Variants in CD109 observed in about 807,000 individuals in gnomAD.
CD109 encodes CD109 antigen.
In CD109, 149 loss-of-function variants were observed where a neutral mutation model predicts 165.8. That is an observed-to-expected ratio of 0.90 (90% CI 0.79 to 1.03). CD109 has a LOEUF of 1.03. Among genes scored for constraint, CD109 ranks in the 50% least tolerant of loss-of-function variants. CD109 has a pLI of 0.00. For missense variants in CD109, 1,712 were observed against 1,677.8 expected, an observed-to-expected ratio of 1.02 and a Z score of -0.36; for synonymous variants, 585 against 592.1, an observed-to-expected ratio of 0.99 and a Z score of 0.18.
chr6:73,691,246 C>G (rs1437646936), upstream of CD109, among the ~76,000 whole-genome samples: 1 of 152,234 alleles, frequency 6.6e-6, no homozygotes, highest in East Asian at 1.9e-4. Flanking sequence ...CCTGGTCTCA[C>G]CCCTTCCAAT....
intron 2 of CD109, among the ~76,000 whole-genome samples, chr6:73,713,517 G>A (rs1771610406): frequency 6.6e-6 from 1 of 152,026 alleles, no homozygotes; most frequent in Non-Finnish European, 1.5e-5. Flanking sequence ...CCCTCCCAAA[G>A]TGCTGGTATT....
intron 5 of CD109, among the ~76,000 whole-genome samples, chr6:73,739,415 C>T (rs576607559): frequency 6.6e-6 from 1 of 152,084 alleles, no homozygotes; most frequent in African/African-American, 2.4e-5. Flanking sequence ...TATTAAACCC[C>T]TTTTCTTTTA....
Position 73,781,262 on chromosome 6 carries a change from T to C in CD109, c.1906T>C (p.Cys636Arg), listed in dbSNP as rs927742628. 2 of 1,611,470 alleles carry C rather than the reference T, an allele frequency of 1.2e-6. No homozygotes were observed. Among genetic ancestry groups the C allele is most frequent in the Non-Finnish European group, 1.7e-6 (2 of 1,177,832 alleles). ...AAATAAAAATTATTCTTTTTAGGAA[T>C]GTGGACTCTGGGTATTGACAGATGC... ...FMNSFAVFQE[C>R]GLWVLTDANL... Residue 636 changes from cysteine (C) to arginine (R), a missense_variant, in exon 17 of 33, where the codon TGT becomes CGT. By Grantham distance (180) the Cys-to-Arg change is radical. Coordinates refer to ENST00000287097, the MANE Select transcript of CD109 (RefSeq NM_133493.5).
chr6:73,785,271 G>C, intron 19 of CD109, 93 bp from the exon 20 acceptor site: 2 of 695,138 alleles, frequency 2.9e-6, no homozygotes, highest in Non-Finnish European at 2.5e-6. Flanking sequence ...GAAGTTAAAA[G>C]CTTCACAGGT....
chr6:73,798,118 T>TA (rs1353596269), intron 23 of CD109, among the ~76,000 whole-genome samples: 3 of 151,288 alleles, frequency 2.0e-5, no homozygotes, highest in Non-Finnish European at 4.4e-5. Context: ...CTGTTTTTTT[T>TA]TTTTTCTTTT....
At chr6:73,762,674 T>G in intron 8 of CD109, 67 bp from the exon 9 acceptor site, 5 of 1,311,632 alleles carry the variant, frequency 3.8e-6, no homozygotes, top group Non-Finnish European at 5.3e-6. Context: ...GTGACTTAGT[T>G]TGAGTTTTAT....
the CD109 span, among the ~76,000 whole-genome samples, chr6:73,689,524 TG>T: frequency 1.3e-5 from 2 of 152,314 alleles, no homozygotes; most frequent in Middle Eastern, 6.8e-3. Flanking sequence ...TGTATAAAAG[TG>T]GGAAAACCAC....
intron 26 of CD109, 58 bp from the exon 27 acceptor site, chr6:73,809,926 G>A: frequency 7.4e-7 from 1 of 1,350,188 alleles, no homozygotes; most frequent in Non-Finnish European, 1.0e-6. Context: ...ATATTTAATG[G>A]TATAAAATGT....
intron 2 of CD109, among the ~76,000 whole-genome samples, chr6:73,717,780 C>G (rs760080834): frequency 6.6e-6 from 1 of 151,510 alleles, no homozygotes; most frequent in Non-Finnish European, 1.5e-5. Context: ...CAACCACGCC[C>G]GGCTAATTTT....
At chr6:73,790,099 C>CTTTT (rs56024477) in intron 22 of CD109, among the ~76,000 whole-genome samples, 2 of 130,058 alleles carry the variant, frequency 1.5e-5, no homozygotes, top group Non-Finnish European at 3.2e-5. Flanking sequence ...GCTAAAAGTC[C>CTTTT]TTTTTTTTTT....
chr6:73,820,023 C>T (rs553959601), intron 31 of CD109, among the ~76,000 whole-genome samples: 1 of 152,294 alleles, frequency 6.6e-6, no homozygotes, highest in East Asian at 1.9e-4. Context: ...TTGTGTACCC[C>T]ATCTCAGTCA....
intron 25 of CD109, among the ~76,000 whole-genome samples, chr6:73,807,326 G>T (rs1003701249): frequency 1.3e-5 from 2 of 152,120 alleles, no homozygotes; most frequent in Non-Finnish European, 2.9e-5. Context: ...CTTGCTATTG[G>T]TAAGATAAGT....
At chr6:73,735,105 T>A (rs1772495822) in intron 4 of CD109, among the ~76,000 whole-genome samples, 1 of 152,148 alleles carries the variant, frequency 6.6e-6, no homozygotes, top group South Asian at 2.1e-4. Context: ...TTTTTGGGAA[T>A]AAACTGCAAA....
In CD109 at chr6:73,774,941, C is replaced by CTT. The variant is rs200608234; in HGVS notation, c.1827+3371_1827+3372dup. ...CTGTCATAGTAGACTGTTTTGGCTT[C>CTT]TTTTTTTTTTTTGTTAAATTTATAT... On this transcript the variant is annotated intron_variant, in intron 15 of 32. Coordinates refer to ENST00000287097, the MANE Select transcript of CD109 (RefSeq NM_133493.5). 4.9e-4 allele frequency among the ~76,000 whole-genome samples: 70 copies of CTT among 143,444 alleles called. 5 individuals are homozygous for CTT. The South Asian group carries it at 0.013, about 28-fold the overall frequency. 94.1% of individuals were successfully genotyped at this position (143,444 alleles called of 152,430 possible). A position where few individuals can be genotyped will look rare whatever the true frequency, so the allele number is the denominator to read the frequency against.
intron 23 of CD109, among the ~76,000 whole-genome samples, chr6:73,793,835 G>A (rs989976485): frequency 3.1e-4 from 47 of 152,216 alleles, no homozygotes; most frequent in African/African-American, 1.0e-3. Flanking sequence ...AAATTCATGA[G>A]GATTAGAAGG....
intron 7 of CD109, among the ~76,000 whole-genome samples, 199 bp from the exon 8 acceptor site, chr6:73,762,185 A>G (rs771964122): frequency 2.6e-5 from 4 of 151,530 alleles, no homozygotes; most frequent in Non-Finnish European, 5.9e-5. Context: ...CTGGTCTTGC[A>G]CTCCTGACCT....
At chr6:73,736,320 C>T in intron 4 of CD109, 63 bp from the exon 5 acceptor site, 1 of 1,573,336 alleles carries the variant, frequency 6.4e-7, no homozygotes, top group Admixed American at 1.8e-5. Context: ...TATTCCTAAC[C>T]TGATAGGATA....
chr6:73,793,688 G>T (rs1362010166), intron 23 of CD109, among the ~76,000 whole-genome samples: 1 of 152,160 alleles, frequency 6.6e-6, no homozygotes, highest in African/African-American at 2.4e-5. Flanking sequence ...AAGTAAATTT[G>T]ATTTTCTGAA....
chr6:73,715,860 C>T (rs1427707850), intron 2 of CD109, among the ~76,000 whole-genome samples: 1 of 152,104 alleles, frequency 6.6e-6, no homozygotes, highest in Non-Finnish European at 1.5e-5. Context: ...AATACTAGGT[C>T]TTATTCATTT....
Sources: gnomAD v4.1 joint callset for allele counts (sites outside exome capture counted in the v4.1 genomes callset) on GRCh38, gnomAD v4.1.1 for gene constraint, MANE v1.5 for transcripts, NCBI Gene and HGNC (gene_info 2026-07-23, HGNC 2026-07-21) for gene names.